The following SPPL3 variants were observed in gnomAD, a reference collection of about 807,000 sequenced individuals.
SPPL3 encodes signal peptide peptidase like 3, also known as signal peptide peptidase-like 3.
In SPPL3, 5 loss-of-function variants were observed where a neutral mutation model predicts 42.4. The observed-to-expected ratio is 0.12, with a 90% confidence interval of 0.06 to 0.25. SPPL3 has a LOEUF of 0.25. Ranked by LOEUF, SPPL3 falls within the 10% of genes least tolerant of loss-of-function variation. The pLI is 1.00. For synonymous variants in SPPL3, 195 were observed against 181.8 expected (o/e 1.07, Z -0.58); for missense variants, 235 against 489.0 (o/e 0.48, Z 4.90).
At chr12:120,892,798 C>T (rs577031534) in intron 1 of SPPL3, among the ~76,000 whole-genome samples, 1 of 151,630 alleles carries the variant, frequency 6.6e-6, no homozygotes, top group Non-Finnish European at 1.5e-5. Context: ...CTGGCTAACA[C>T]GGTGAAACCC....
chr12:120,764,440 T>TGTC lies in SPPL3; in HGVS notation c.*556_*558dup. On this transcript the variant is annotated 3_prime_UTR_variant, in exon 11 of 11. Coordinates refer to ENST00000353487, the MANE Select transcript of SPPL3 (RefSeq NM_139015.5). ...GTGGATGTTGTAAGAAGTCACTCAA[T>TGTC]GTCTGTGGATTTAATAAGTCACTTC... 1 of 155,052 alleles carries TGTC rather than the reference T, an allele frequency of 6.4e-6. No individual in the cohort carries two copies. Among genetic ancestry groups the TGTC allele is most frequent in the Admixed American group, 6.5e-5 (1 of 15,368 alleles). The allele number at this position is 155,052 out of a possible 1,614,324, so 9.6% of individuals were successfully genotyped here.
rs374162133 is a variant in SPPL3 at position 120,783,770 on chromosome 12, A to G, written c.311-18T>C. 146 of 1,609,206 alleles carry G rather than the reference A, an allele frequency of 9.1e-5. No homozygotes were observed. Among genetic ancestry groups the G allele is most frequent in the South Asian group, 8.8e-5 (8 of 90,582 alleles). On this transcript the variant is annotated intron_variant, in intron 4 of 10. Coordinates refer to ENST00000353487, the MANE Select transcript of SPPL3 (RefSeq NM_139015.5). ...TGCAAGAACTAGAGAAAGAAAAGGT[A>G]TAATTTTTTAAAACAATTATAAGAA... is the stretch of plus-strand genomic sequence containing the variant.
chr12:120,857,229 TCA>T lies in SPPL3; in HGVS notation c.24-46345_24-46344del, dbSNP rs892988025. Among the ~76,000 whole-genome samples the T allele has an allele frequency of 8.5e-5, 13 of 152,176 alleles. No individual in the cohort carries two copies. In the South Asian group the frequency reaches 1.2e-3, roughly 15 times the overall value. On this transcript the variant is annotated intron_variant, in intron 1 of 10. Coordinates refer to ENST00000353487, the MANE Select transcript of SPPL3 (RefSeq NM_139015.5). ...AAGTCTTCCTGCCCACTTCTCTCTC[TCA>T]GTTTATGAAAATTAATTTCCTGCAA...
At chr12:120,899,317 A>G (rs777567284) in intron 1 of SPPL3, among the ~76,000 whole-genome samples, 6 of 152,316 alleles carry the variant, frequency 3.9e-5, no homozygotes, top group South Asian at 2.1e-4. Context: ...GCCCTCTTTG[A>G]TAAGTACTTG....
intron 1 of SPPL3, among the ~76,000 whole-genome samples, chr12:120,861,969 A>G (rs1027483987): frequency 3.3e-5 from 5 of 152,198 alleles, no homozygotes; most frequent in African/African-American, 4.8e-5. Context: ...ACTTGAAGGT[A>G]TTAAGATTCC....
At chr12:120,832,929 A>G (rs1871477014) in intron 1 of SPPL3, among the ~76,000 whole-genome samples, 1 of 152,204 alleles carries the variant, frequency 6.6e-6, no homozygotes, top group Non-Finnish European at 1.5e-5. Context: ...GCACCACATC[A>G]GCACTATGGG....
chr12:120,773,849 C>G (rs1869212247), intron 6 of SPPL3, among the ~76,000 whole-genome samples: 1 of 152,212 alleles, frequency 6.6e-6, no homozygotes, highest in Non-Finnish European at 1.5e-5. Flanking sequence ...GGTGATCCAC[C>G]TGCCTCAGCC....
rs147886559 is a variant in SPPL3 at position 120,880,340 on chromosome 12, G to A, written c.23+23505C>T. ...AAACCCTTAGAAGAAAAAAGAGAAG[G>A]GCTTCATGACATTGGATTTGGCAGA... On this transcript the variant is annotated intron_variant, in intron 1 of 10. Coordinates refer to ENST00000353487, the MANE Select transcript of SPPL3 (RefSeq NM_139015.5). Among the ~76,000 whole-genome samples, 372 of 151,956 alleles carry A rather than the reference G, an allele frequency of 2.4e-3. 5 individuals carry two copies. The highest frequency in any genetic ancestry group is 7.8e-3 in the African/African-American group (324 of 41,366).
intron 3 of SPPL3, among the ~76,000 whole-genome samples, chr12:120,787,140 G>T (rs1869748396): frequency 6.6e-6 from 1 of 152,046 alleles, no homozygotes; most frequent in Non-Finnish European, 1.5e-5. Flanking sequence ...ACTATTTGCT[G>T]AACACTTATT....
At chr12:120,804,861 A>G (rs1870437021) in intron 2 of SPPL3, among the ~76,000 whole-genome samples, 1 of 152,236 alleles carries the variant, frequency 6.6e-6, no homozygotes, top group South Asian at 2.1e-4. Context: ...TCTATCAGCC[A>G]ATGAATGGAA....
intron 1 of SPPL3, among the ~76,000 whole-genome samples, chr12:120,878,156 A>T (rs1451078913): frequency 6.6e-6 from 1 of 152,234 alleles, no homozygotes; most frequent in Non-Finnish European, 1.5e-5. Context: ...GAAATATCTT[A>T]ATTAAAACAA....
intron 1 of SPPL3, among the ~76,000 whole-genome samples, chr12:120,869,532 C>T (rs1374099041): frequency 6.6e-6 from 1 of 152,218 alleles, no homozygotes; most frequent in East Asian, 1.9e-4. Context: ...ACGACCTCTA[C>T]TATGGTGCCA....
At chr12:120,830,535 C>G (rs1220439450) in intron 1 of SPPL3, among the ~76,000 whole-genome samples, 1 of 1,422 alleles carries the variant, frequency 7.0e-4, no homozygotes, top group African/African-American at 2.3e-3. Context: ...AGGGGGAGAG[C>G]AGAGGGGAGG....
chr12:120,847,656 C>G lies in SPPL3; in HGVS notation c.24-36770G>C, dbSNP rs1872087158. On this transcript the variant is annotated intron_variant, in intron 1 of 10. Coordinates refer to ENST00000353487, the MANE Select transcript of SPPL3 (RefSeq NM_139015.5). ...CTCTTGCCCAGGACGGTTTGAAACT[C>G]CTGAGCTCAAGTGACCCTCCCACCT... 1.3e-5 allele frequency among the ~76,000 whole-genome samples: 2 copies of G among 151,700 alleles called. 1 individual carries two copies. The highest frequency in any genetic ancestry group is 4.2e-4 in the South Asian group (2 of 4,806).
chr12:120,903,732 G>GCCCCCCCCCCC, intron 1 of SPPL3, 113 bp downstream of exon 1: 2 of 385,022 alleles, frequency 5.2e-6, no homozygotes, highest in Non-Finnish European at 4.3e-6. Flanking sequence ...CCCAACCCGC[G>GCCCCCCCCCCC]CCCCCCCCCC....
chr12:120,801,746 T>C (rs1268741951), intron 2 of SPPL3, among the ~76,000 whole-genome samples: 1 of 152,240 alleles, frequency 6.6e-6, no homozygotes, highest in African/African-American at 2.4e-5. Flanking sequence ...TACAGAGAAA[T>C]ATTAAGACCA....
intron 1 of SPPL3, among the ~76,000 whole-genome samples, chr12:120,899,685 G>C (rs192820663): frequency 6.6e-6 from 1 of 152,022 alleles, no homozygotes; most frequent in Admixed American, 6.6e-5. Context: ...GAGGTCAGGA[G>C]ATCAAGACCA....
intron 1 of SPPL3, among the ~76,000 whole-genome samples, chr12:120,813,381 G>A (rs1008964192): frequency 4.0e-5 from 6 of 148,300 alleles, no homozygotes; most frequent in Admixed American, 6.8e-5. Flanking sequence ...GCAATGGCAC[G>A]ATCTCGGCTC....
At chr12:120,816,089 C>T (rs1870864557) in intron 1 of SPPL3, among the ~76,000 whole-genome samples, 1 of 152,090 alleles carries the variant, frequency 6.6e-6, no homozygotes, top group African/African-American at 2.4e-5. Context: ...GTGCTCCAGC[C>T]TCTGAGGAGC....
Sources: allele counts gnomAD v4.1 joint callset (sites outside exome capture counted in the v4.1 genomes callset), GRCh38; gene constraint gnomAD v4.1.1; transcripts MANE v1.5; gene names NCBI Gene and HGNC (gene_info 2026-07-23, HGNC 2026-07-21).